SLC5A4: variants seen among roughly 807,000 people sequenced by gnomAD.
SLC5A4 encodes probable glucose sensor protein SLC5A4.
A neutral mutation model predicts 70.3 loss-of-function variants in SLC5A4; 55 were observed. That is an observed-to-expected ratio of 0.78 (90% CI 0.63 to 0.98). The LOEUF (loss-of-function observed/expected upper bound fraction) is 0.98, where lower values mean the gene tolerates loss of function less well. Ranked by LOEUF, SLC5A4 falls within the 50% of genes least tolerant of loss-of-function variation. The probability of loss-of-function intolerance (pLI) is 0.00; values close to 1 mark genes in which losing one functional copy is unlikely to be tolerated. For synonymous variants in SLC5A4, 268 were observed against 305.7 expected (o/e 0.88, Z 1.29); for missense variants, 735 against 839.2 (o/e 0.88, Z 1.53).
chr22:32,224,620 A>G, intron 12 of SLC5A4, 138 bp from the exon 13 acceptor site: 6 of 669,906 alleles, frequency 9.0e-6, no homozygotes, highest in South Asian at 1.9e-5. Context: ...GGTTACCGAC[A>G]TAGAGAAAAT....
the SLC5A4 span, among the ~76,000 whole-genome samples, chr22:32,346,920 C>G: frequency 2.7e-5 from 4 of 150,942 alleles, no homozygotes; most frequent in Admixed American, 1.3e-4. Context: ...AACAGGCAAC[C>G]TACAAAATGG....
At chr22:32,261,749 G>A in the SLC5A4 span, among the ~76,000 whole-genome samples, 1 of 152,210 alleles carries the variant, frequency 6.6e-6, no homozygotes, top group Non-Finnish European at 1.5e-5. Flanking sequence ...ACCCTGTTGT[G>A]CTATCAAATA....
chr22:32,294,270 A>G, the SLC5A4 span, among the ~76,000 whole-genome samples: 12 of 152,004 alleles, frequency 7.9e-5, no homozygotes, highest in Admixed American at 5.2e-4. Context: ...TTCATTCTGG[A>G]TGTTTTCTTG....
chr22:32,237,292 G>A lies in SLC5A4; in HGVS notation c.616C>T (p.Leu206Phe). 6.2e-7 allele frequency: 1 copy of A among 1,608,372 alleles called. No homozygotes were observed. The highest frequency in any genetic ancestry group is 8.5e-7 in the Non-Finnish European group (1 of 1,177,342). ...CCAATCAGCATGATGATGGTCTGGA[G>A]GGTGTCTGTGTAAATCACCGAGGCC... is the stretch of plus-strand genomic sequence containing the variant. Reference protein sequence around the residue: ...GLASVIYTDTLQTIIMLIGSF... With the variant: ...GLASVIYTDTFQTIIMLIGSF... Residue 206 changes from leucine to phenylalanine, a missense_variant, in exon 7 of 15, where the codon CTC (leucine) becomes TTC (phenylalanine). Physicochemically the swap from Leu to Phe is conservative, Grantham distance 22. Transcript: ENST00000266086.
chr22:32,309,604 TGGGGACCCAC>T, the SLC5A4 span, among the ~76,000 whole-genome samples: 1 of 152,070 alleles, frequency 6.6e-6, no homozygotes, highest in African/African-American at 2.4e-5. Flanking sequence ...CACAATGACC[TGGGGACCCAC>T]GGGGTTTTCA....
At chr22:32,307,991 C>T in the SLC5A4 span, among the ~76,000 whole-genome samples, 5 of 152,192 alleles carry the variant, frequency 3.3e-5, no homozygotes, top group Admixed American at 1.3e-4. Context: ...GGATGTCTCC[C>T]TGCAGTGATG....
rs141751922 is a variant in SLC5A4 at position 32,229,250 on chromosome 22, G to A, written c.1224C>T (p.Asp408=). ...FNSASTLFTI[D]LYTKMRKQAS... ...CTTGCTTCCGCATCTTGGTGTAGAGGTCAATGGTGAAGAGGGTGCTGGCGC... is the reference window on the plus strand; with the variant it reads ...CTTGCTTCCGCATCTTGGTGTAGAGATCAATGGTGAAGAGGGTGCTGGCGC... Residue 408 remains aspartate (D), a synonymous_variant, in exon 11 of 15, where the codon GAC becomes GAT. Coordinates refer to ENST00000266086, the MANE Select transcript of SLC5A4 (RefSeq NM_014227.3). 54 of 1,613,924 alleles carry A rather than the reference G, an allele frequency of 3.3e-5. No individual in the cohort carries two copies. Among genetic ancestry groups the A allele is most frequent in the Non-Finnish European group, 4.3e-5 (51 of 1,179,996 alleles).
In SLC5A4 at chr22:32,229,182, G is replaced by A; in HGVS notation, c.1280+12C>T. ...TCCAGAGGATTCTAGGTGGGAACCAGGGTTCACTCACCGTCCAGCTATCAG... is the reference window on the plus strand; with the variant it reads ...TCCAGAGGATTCTAGGTGGGAACCAAGGTTCACTCACCGTCCAGCTATCAG... On this transcript the variant is annotated intron_variant, in intron 11 of 14. Transcript: ENST00000266086. 1.2e-6 allele frequency: 2 copies of A among 1,612,384 alleles called. No homozygotes were observed. Among genetic ancestry groups the A allele is most frequent in the Non-Finnish European group, 1.7e-6 (2 of 1,178,728 alleles).
At chr22:32,270,909 G>T in the SLC5A4 span, 1 of 568,494 alleles carries the variant, frequency 1.8e-6, no homozygotes, top group South Asian at 1.6e-5. Flanking sequence ...TGCCTGTACC[G>T]AGACCTCAGT....
chr22:32,298,783 C>G, the SLC5A4 span, among the ~76,000 whole-genome samples: 22,403 of 85,062 alleles, frequency 0.26, 2,719 homozygotes, highest in Non-Finnish European at 0.29. Context: ...GATTTTGCAG[C>G]GGCTGGTACT....
the SLC5A4 span, chr22:32,268,518 C>T: frequency 6.6e-6 from 1 of 152,356 alleles, no homozygotes. Flanking sequence ...ATTCTAAAAT[C>T]AAGGAACTGG....
the SLC5A4 span, chr22:32,271,033 G>T: frequency 1.8e-6 from 1 of 559,502 alleles, no homozygotes; most frequent in Non-Finnish European, 3.2e-6. Context: ...TCGGTGATGA[G>T]GAAATGCTGT....
At chr22:32,311,538 C>T in the SLC5A4 span, among the ~76,000 whole-genome samples, 28 of 152,306 alleles carry the variant, frequency 1.8e-4, no homozygotes, top group Middle Eastern at 3.4e-3. Context: ...GTGGATGTTA[C>T]GGGCATCTAG....
chr22:32,239,566 ATATTTATATATATATT>A lies in SLC5A4; in HGVS notation c.478-492_478-477del, dbSNP rs1926351980. On this transcript the variant is annotated intron_variant, in intron 5 of 14. Coordinates refer to ENST00000266086, the MANE Select transcript of SLC5A4 (RefSeq NM_014227.3). ...TATATATATATATATATATATATAT[ATATTTATATATATATT>A]TATATATATATAAATTATATAAAAT... Among the ~76,000 whole-genome samples, 5 of 23,512 alleles carry A rather than the reference ATATTTATATATATATT, an allele frequency of 2.1e-4. 1 individual carries two copies. Among genetic ancestry groups the A allele is most frequent in the African/African-American group, 8.6e-4 (4 of 4,662 alleles). The allele number at this position is 23,512 out of a possible 152,430, so 15.4% of individuals were successfully genotyped here. A position where few individuals can be genotyped will look rare whatever the true frequency, so the allele number is the denominator to read the frequency against.
the SLC5A4 span, among the ~76,000 whole-genome samples, chr22:32,263,560 G>A: frequency 6.9e-4 from 105 of 152,294 alleles, 1 homozygote; most frequent in East Asian, 0.012. Flanking sequence ...CAGATGCTGG[G>A]GAGGATGTGG....
the SLC5A4 span, among the ~76,000 whole-genome samples, chr22:32,303,704 T>G: frequency 6.6e-6 from 1 of 152,242 alleles, no homozygotes; most frequent in Non-Finnish European, 1.5e-5. Context: ...TCTGTCCACC[T>G]ACAGATGGAC....
At chr22:32,326,557 C>T in the SLC5A4 span, among the ~76,000 whole-genome samples, 1 of 152,056 alleles carries the variant, frequency 6.6e-6, no homozygotes, top group Non-Finnish European at 1.5e-5. Context: ...GCCCGGCCAC[C>T]TTCATAAATT....
At chr22:32,325,175 A>G in the SLC5A4 span, among the ~76,000 whole-genome samples, 1 of 152,230 alleles carries the variant, frequency 6.6e-6, no homozygotes, top group African/African-American at 2.4e-5. Context: ...AGGCCTTCCA[A>G]TAAGCCAAAA....
chr22:32,293,368 A>G, the SLC5A4 span, among the ~76,000 whole-genome samples: 4 of 151,680 alleles, frequency 2.6e-5, no homozygotes, highest in Non-Finnish European at 4.4e-5. Flanking sequence ...TTTCTTCTCA[A>G]TTTTTGTTTT....
Sources: allele counts gnomAD v4.1 joint callset (sites outside exome capture counted in the v4.1 genomes callset), GRCh38; gene constraint gnomAD v4.1.1; transcripts MANE v1.5; gene names NCBI Gene and HGNC (gene_info 2026-07-23, HGNC 2026-07-21).